Variants in WDSUB1 observed in about 807,000 individuals in gnomAD.
WDSUB1 encodes the protein WD repeat, sterile alpha motif and U-box domain containing 1, also known as WD repeat, SAM and U-box domain-containing protein 1.
WDSUB1 carries 49 observed loss-of-function variants against 53.9 expected under a neutral mutation model. The ratio of observed to expected loss-of-function variants is 0.91; its 90% CI spans 0.72 to 1.15. WDSUB1 has a LOEUF of 1.15. WDSUB1 is among the 50% of genes most tolerant of loss of function. The pLI, the probability that WDSUB1 is intolerant of heterozygous loss-of-function variation, is 0.00. For missense variants in WDSUB1, 514 were observed against 562.0 expected (o/e 0.91, Z 0.86); for synonymous variants, 194 against 200.6 (o/e 0.97, Z 0.28).
At chr2:159,252,055 A>C (rs897040007) in intron 9 of WDSUB1, among the ~76,000 whole-genome samples, 6 of 152,104 alleles carry the variant, frequency 3.9e-5, no homozygotes, top group Non-Finnish European at 7.4e-5. Context: ...CTGGTCACTG[A>C]CTCACCTCTC....
At chr2:159,236,340 T>C (rs1229814052) in intron 10 of WDSUB1, 150 bp from the exon 11 acceptor site, 1 of 778,510 alleles carries the variant, frequency 1.3e-6, no homozygotes, top group Non-Finnish European at 2.0e-6. Flanking sequence ...CCCAAAAATC[T>C]CTCTGCCACA....
chr2:159,283,116 GATTATTTATTCTAGGAATCAGATAC>G, intron 1 of WDSUB1, 23 bp from the exon 2 acceptor site: 1 of 1,549,372 alleles, frequency 6.5e-7, no homozygotes, highest in Non-Finnish European at 8.7e-7. Context: ...AGCAGATAAA[GATTATTTATTCTAGGAATCAGATAC>G]ATGCAATTTG....
chr2:159,250,480 AG>A (rs2060926840), intron 9 of WDSUB1, among the ~76,000 whole-genome samples: 1 of 152,218 alleles, frequency 6.6e-6, no homozygotes, highest in South Asian at 2.1e-4. Context: ...GTGCTTAGTT[AG>A]GGAAGTACCT....
At chr2:159,264,677 C>T (rs978171957) in intron 5 of WDSUB1, among the ~76,000 whole-genome samples, 3 of 152,142 alleles carry the variant, frequency 2.0e-5, no homozygotes, top group African/African-American at 7.2e-5. Flanking sequence ...TCTGCACTGG[C>T]AGGGGAAGAC....
At chr2:159,270,189 G>A (rs889017913) in intron 5 of WDSUB1, among the ~76,000 whole-genome samples, 5 of 152,072 alleles carry the variant, frequency 3.3e-5, no homozygotes, top group African/African-American at 1.2e-4. Flanking sequence ...CTAGAAAGAA[G>A]GCTAATAAAA....
intron 10 of WDSUB1, among the ~76,000 whole-genome samples, chr2:159,238,826 TA>T (rs1221375088): frequency 3.9e-5 from 6 of 152,136 alleles, no homozygotes; most frequent in African/African-American, 1.4e-4. Flanking sequence ...TATCTCTCGG[TA>T]AAAAGTTTTA....
chr2:159,256,853 G>A (rs2151089078), intron 8 of WDSUB1, among the ~76,000 whole-genome samples: 1 of 152,230 alleles, frequency 6.6e-6, no homozygotes, highest in Non-Finnish European at 1.5e-5. Context: ...ATTTTGTCCT[G>A]AGGTTATATT....
At chr2:159,261,604 C>T (rs1365688995) in intron 5 of WDSUB1, among the ~76,000 whole-genome samples, 1 of 151,872 alleles carries the variant, frequency 6.6e-6, no homozygotes, top group Non-Finnish European at 1.5e-5. Context: ...TTTGAGCATC[C>T]TTAAAACACA....
intron 10 of WDSUB1, among the ~76,000 whole-genome samples, chr2:159,237,194 G>C (rs985477290): frequency 2.0e-5 from 3 of 152,144 alleles, no homozygotes; most frequent in Non-Finnish European, 2.9e-5. Flanking sequence ...CCAAAATACT[G>C]TGTCTGAAAA....
intron 5 of WDSUB1, among the ~76,000 whole-genome samples, chr2:159,261,896 ATTTTTTTTTTTTTT>A (rs869067609): frequency 0.021 from 477 of 22,448 alleles, 10 homozygotes; most frequent in Middle Eastern, 0.045. Flanking sequence ...ATATATATAT[ATTTTTTTTTTTTTT>A]TTTTTTTTTT....
At chr2:159,237,652 G>A (rs2060519557) in intron 10 of WDSUB1, among the ~76,000 whole-genome samples, 1 of 151,998 alleles carries the variant, frequency 6.6e-6, no homozygotes, top group African/African-American at 2.4e-5. Context: ...ATGTATATGT[G>A]CACACAGTAC....
chr2:159,270,078 T>C (rs2061419193), intron 5 of WDSUB1, among the ~76,000 whole-genome samples: 3 of 152,204 alleles, frequency 2.0e-5, no homozygotes, highest in Admixed American at 2.0e-4. Context: ...TCTGATTTCA[T>C]ATACATATAA....
chr2:159,249,651 T>C (rs904234441), intron 9 of WDSUB1, among the ~76,000 whole-genome samples: 1 of 152,166 alleles, frequency 6.6e-6, no homozygotes, highest in Non-Finnish European at 1.5e-5. Flanking sequence ...TCCTGACTAC[T>C]ATAATGTCTT....
rs2151161468 is a variant in WDSUB1 at position 159,283,423 on chromosome 2, T to C, written c.-24-330A>G. On this transcript the variant is annotated intron_variant, in intron 1 of 10. Transcript: ENST00000359774. ...ATGCCTGGAGCCCCAGCTACAAAAATTAGCTGGGTGTGGTGGCACATGCCT... is the reference window on the plus strand; with the variant it reads ...ATGCCTGGAGCCCCAGCTACAAAAACTAGCTGGGTGTGGTGGCACATGCCT... Among the ~76,000 whole-genome samples the C allele has an allele frequency of 1.3e-5, 2 of 152,216 alleles. 1 individual carries two copies. Among genetic ancestry groups the C allele is most frequent in the South Asian group, 4.2e-4 (2 of 4,816 alleles).
At chr2:159,247,456 C>A (rs939254786) in intron 10 of WDSUB1, among the ~76,000 whole-genome samples, 2 of 151,780 alleles carry the variant, frequency 1.3e-5, no homozygotes, top group African/African-American at 2.4e-5. Context: ...ATTAAGCTGG[C>A]AAAAGTAAAT....
chr2:159,238,279 G>C (rs1382442361), intron 10 of WDSUB1, among the ~76,000 whole-genome samples: 2 of 38,758 alleles, frequency 5.2e-5, no homozygotes, highest in Non-Finnish European at 1.5e-4. Context: ...ATTCTATCAA[G>C]GAATTTACTT....
intron 10 of WDSUB1, among the ~76,000 whole-genome samples, chr2:159,237,055 C>A (rs2060502221): frequency 6.6e-6 from 1 of 152,192 alleles, no homozygotes; most frequent in South Asian, 2.1e-4. Context: ...TTCCTGATTT[C>A]ATTTACTCAT....
chr2:159,266,509 T>C (rs944115334), intron 5 of WDSUB1, among the ~76,000 whole-genome samples: 1 of 152,146 alleles, frequency 6.6e-6, no homozygotes, highest in African/African-American at 2.4e-5. Flanking sequence ...CTTTTAAGAA[T>C]GTGAAGGAAT....
chr2:159,256,603 A>AT, intron 8 of WDSUB1, among the ~76,000 whole-genome samples: 1 of 152,074 alleles, frequency 6.6e-6, no homozygotes, highest in Middle Eastern at 3.4e-3. Flanking sequence ...GTCTCAAAAA[A>AT]AAAAAAAAAA....
Sources: allele counts gnomAD v4.1 joint callset (sites outside exome capture counted in the v4.1 genomes callset), GRCh38; gene constraint gnomAD v4.1.1; transcripts MANE v1.5; gene names NCBI Gene and HGNC (gene_info 2026-07-23, HGNC 2026-07-21).